BCAS4: variants seen among roughly 807,000 people sequenced by gnomAD.
The protein encoded by BCAS4 is breast carcinoma amplified sequence 4.
Under a neutral mutation model 15.7 loss-of-function variants are expected in BCAS4, and 9 were observed. The ratio of observed to expected loss-of-function variants is 0.57; its 90% CI spans 0.34 to 1.00. The LOEUF is 1.00. Among genes scored for constraint, BCAS4 ranks in the 50% least tolerant of loss-of-function variants. The pLI is 0.02. For missense variants in BCAS4, 225 were observed against 239.1 expected, an observed-to-expected ratio of 0.94 and a Z score of 0.39; for synonymous variants, 101 against 99.5, an observed-to-expected ratio of 1.02 and a Z score of -0.09.
At chr20:50,817,421 A>G (rs1382223332) in intron 1 of BCAS4, among the ~76,000 whole-genome samples, 2 of 152,206 alleles carry the variant, frequency 1.3e-5, no homozygotes, top group Non-Finnish European at 2.9e-5. Flanking sequence ...TCTCTTAACT[A>G]TTAGCAGTCT....
chr20:50,852,354 C>CT (rs1267346932), intron 4 of BCAS4, among the ~76,000 whole-genome samples: 1 of 151,104 alleles, frequency 6.6e-6, no homozygotes, highest in Non-Finnish European at 1.5e-5. Flanking sequence ...AGGCCTTGCG[C>CT]TTTTTGTGGC....
At chr20:50,821,677 G>A (rs566140478) in intron 2 of BCAS4, among the ~76,000 whole-genome samples, 10 of 152,282 alleles carry the variant, frequency 6.6e-5, no homozygotes, top group Non-Finnish European at 1.2e-4. Context: ...TTACAGGTCC[G>A]AGAGAAGGCA....
chr20:50,849,647 G>A (rs1380525195), intron 4 of BCAS4, among the ~76,000 whole-genome samples: 1 of 152,218 alleles, frequency 6.6e-6, no homozygotes, highest in African/African-American at 2.4e-5. Context: ...CCCATGCCTC[G>A]TGTACAGGAG....
At chr20:50,875,218 A>C (rs941921656) in intron 4 of BCAS4, among the ~76,000 whole-genome samples, 9 of 152,220 alleles carry the variant, frequency 5.9e-5, no homozygotes, top group Non-Finnish European at 8.8e-5. Flanking sequence ...GCGCATGGCC[A>C]GGTTTGACAG....
chr20:50,795,699 G>C (rs2087847319), intron 1 of BCAS4, among the ~76,000 whole-genome samples: 1 of 152,240 alleles, frequency 6.6e-6, no homozygotes, highest in Non-Finnish European at 1.5e-5. Context: ...TTGTGAAAAA[G>C]TTATTTGTCT....
At chr20:50,848,207 G>C (rs1244242800) in intron 4 of BCAS4, among the ~76,000 whole-genome samples, 1 of 152,138 alleles carries the variant, frequency 6.6e-6, no homozygotes, top group Non-Finnish European at 1.5e-5. Context: ...AGTGAGTCGA[G>C]ATTGCACCAC....
chr20:50,858,925 C>CTATTATTATTATTATTAT (rs56152037), intron 4 of BCAS4, among the ~76,000 whole-genome samples: 2 of 144,508 alleles, frequency 1.4e-5, no homozygotes, highest in African/African-American at 5.2e-5. Context: ...CAGGCTCTTG[C>CTATTATTATTATTATTAT]TATTATTATT....
intron 2 of BCAS4, among the ~76,000 whole-genome samples, chr20:50,822,045 G>T (rs1028274376): frequency 6.6e-6 from 1 of 152,174 alleles, no homozygotes; most frequent in African/African-American, 2.4e-5. Flanking sequence ...CATTTATTTT[G>T]TGGGCTAGAG....
At chr20:50,836,213 G>T (rs115737844) in intron 3 of BCAS4, among the ~76,000 whole-genome samples, 1,750 of 152,282 alleles carry the variant, frequency 0.011, 39 homozygotes, top group African/African-American at 0.038. Context: ...ACTGCGCCTG[G>T]CTGGTGATGT....
intron 1 of BCAS4, among the ~76,000 whole-genome samples, chr20:50,806,397 T>C (rs2087989962): frequency 6.6e-6 from 1 of 152,222 alleles, no homozygotes; most frequent in African/African-American, 2.4e-5. Flanking sequence ...CTTCCTTTCT[T>C]TTCTGCAGTG....
chr20:50,840,166 C>A (rs1282088307), intron 3 of BCAS4, among the ~76,000 whole-genome samples: 1 of 152,198 alleles, frequency 6.6e-6, no homozygotes, highest in African/African-American at 2.4e-5. Flanking sequence ...CATGAGGTAC[C>A]ATGCCCAGCC....
At chr20:50,829,198 C>T (rs1272566836) in intron 2 of BCAS4, among the ~76,000 whole-genome samples, 1 of 152,184 alleles carries the variant, frequency 6.6e-6, no homozygotes, top group Non-Finnish European at 1.5e-5. Context: ...TGGGAATCAG[C>T]ATTTGAAAGG....
chr20:50,851,092 C>G lies in BCAS4; in HGVS notation c.399+9192C>G, dbSNP rs1600887242. Among the ~76,000 whole-genome samples, 1 of 145,506 alleles carries G rather than the reference C, an allele frequency of 6.9e-6. No individual in the cohort carries two copies. Among genetic ancestry groups the G allele is most frequent in the Admixed American group, 7.0e-5 (1 of 14,192 alleles). Reference sequence around the variant, plus strand: ...AAGTGGTGGGGGGTGCTGGGTCTCTCCCCTGCAGAATCCCCCTGCAGGAGG... The same window carrying G: ...AAGTGGTGGGGGGTGCTGGGTCTCTGCCCTGCAGAATCCCCCTGCAGGAGG... On this transcript the variant is annotated intron_variant, in intron 4 of 4. Transcript: ENST00000371608. This position sits in a 1 kb window ranked among gnomAD's most constrained non-coding sequence, Gnocchi z 4.3.
rs549407149 is a variant in BCAS4, at chr20:50,798,901, A to C, written c.90+3728A>C. The stretch of plus-strand genomic sequence containing the variant: ...TGTTATGTTGATTTTATAGGTCAGC[A>C]AACAGAGGCTCTCATGGCATAAATG... On this transcript the variant is annotated intron_variant, in intron 1 of 4. Coordinates refer to ENST00000371608, the MANE Select transcript of BCAS4 (RefSeq NM_198799.4). Among the ~76,000 whole-genome samples the C allele has an allele frequency of 2.6e-5, 4 of 152,332 alleles. No homozygotes were observed. In the South Asian group the frequency reaches 8.3e-4, roughly 32 times the overall value.
intron 3 of BCAS4, among the ~76,000 whole-genome samples, chr20:50,838,140 C>CTCACTCAT (rs1412598945): frequency 6.6e-6 from 1 of 152,252 alleles, no homozygotes; most frequent in African/African-American, 2.4e-5. Context: ...GATACACTCA[C>CTCACTCAT]TCACTCATTC....
intron 3 of BCAS4, chr20:50,840,451 T>G (rs6020788): frequency 0.05 from 41,750 of 835,496 alleles, 1,383 homozygotes; most frequent in African/African-American, 0.14. Context: ...GGAGAGGCAG[T>G]CGCGGCCTTC....
chr20:50,868,155 A>G (rs953324554), intron 4 of BCAS4, among the ~76,000 whole-genome samples: 1 of 152,162 alleles, frequency 6.6e-6, no homozygotes, highest in Non-Finnish European at 1.5e-5. Flanking sequence ...CATAGCAAGG[A>G]TACTCAACAT....
intron 3 of BCAS4, among the ~76,000 whole-genome samples, chr20:50,836,003 T>C (rs965751475): frequency 2.0e-4 from 30 of 151,814 alleles, no homozygotes; most frequent in African/African-American, 7.0e-4. Context: ...CTGCAACCTC[T>C]GCCTCCCACG....
At chr20:50,845,399 T>C (rs919559256) in intron 4 of BCAS4, among the ~76,000 whole-genome samples, 1 of 151,970 alleles carries the variant, frequency 6.6e-6, no homozygotes, top group Non-Finnish European at 1.5e-5. Context: ...CCTCAGCGCC[T>C]CCTCCCCCAG....
Sources: gnomAD v4.1 joint callset for allele counts (sites outside exome capture counted in the v4.1 genomes callset) on GRCh38, gnomAD v4.1.1 for gene constraint, Gnocchi (gnomAD v3.1) non-coding constraint, MANE v1.5 for transcripts, NCBI Gene and HGNC (gene_info 2026-07-23, HGNC 2026-07-21) for gene names.